Variants in STRIP1 observed in about 807,000 individuals in gnomAD.
The protein encoded by STRIP1 is striatin interacting protein 1.
In STRIP1, 63 loss-of-function variants were observed where a neutral mutation model predicts 106.2. The ratio of observed to expected loss-of-function variants is 0.59; its 90% confidence interval spans 0.48 to 0.73. STRIP1 has a LOEUF of 0.73. STRIP1 is among the 30% of genes least tolerant of loss of function. The pLI is 0.00. For missense variants in STRIP1, 857 were observed against 1,074.8 expected, an observed-to-expected ratio of 0.80 and a Z score of 2.83; for synonymous variants, 390 against 413.0, an observed-to-expected ratio of 0.94 and a Z score of 0.67.
In STRIP1 at chr1:110,053,766, C is replaced by G; in HGVS notation, c.2368C>G (p.Pro790Ala). 2 of 1,614,150 alleles carry G rather than the reference C, an allele frequency of 1.2e-6. No individual in the cohort carries two copies. The highest frequency in any genetic ancestry group is 1.1e-5 in the South Asian group (1 of 91,082). Residue 790 changes from proline (P) to alanine (A), a missense_variant, in exon 21 of 21, where the codon CCT becomes GCT. This residue lies in a region of STRIP1 where 750 missense variants were observed against 989.8 expected (regional missense o/e 0.76). Transcript: ENST00000369795. The part of the protein sequence containing the change: ...ARRYDRAHSN[P>A]DFLPVDNCLQ... ...GCGCTATGACCGGGCCCACAGCAAC[C>G]CTGACTTCCTGCCAGTGGACAACTG...
chr1:110,040,998 T>C (rs778507251), intron 6 of STRIP1, among the ~76,000 whole-genome samples: 4 of 152,102 alleles, frequency 2.6e-5, no homozygotes, highest in Non-Finnish European at 5.9e-5. Flanking sequence ...GTATTTTGTA[T>C]TTGGATGAAA....
chr1:110,048,470 T>TC (rs1399187169), intron 15 of STRIP1, among the ~76,000 whole-genome samples: 4 of 152,308 alleles, frequency 2.6e-5, no homozygotes, highest in Middle Eastern at 3.4e-3. Context: ...TGAGCCCAGC[T>TC]CCTGGGTGGC....
At chr1:110,033,011 C>A (rs866359198), upstream of STRIP1, among the ~76,000 whole-genome samples, 1 of 152,194 alleles carries the variant, frequency 6.6e-6, no homozygotes, top group Non-Finnish European at 1.5e-5. Flanking sequence ...CATTATATGG[C>A]TCTATCAATT....
chr1:110,043,275 G>A lies in STRIP1; in HGVS notation c.1068+5G>A, dbSNP rs778800393. ...CGGGGCCGCCGAGAGCACAAGGTGAGGACGACAGAGGTCCCTGTGACTCCT... is the reference window on the plus strand; with the variant it reads ...CGGGGCCGCCGAGAGCACAAGGTGAAGACGACAGAGGTCCCTGTGACTCCT... On this transcript the variant is annotated splice_donor_5th_base_variant and intron_variant, in intron 9 of 20. Transcript: ENST00000369795. The A allele has an allele frequency of 6.2e-6, 10 of 1,608,706 alleles. No homozygotes were observed. The highest frequency in any genetic ancestry group is 7.6e-6 in the Non-Finnish European group (9 of 1,179,748).
chr1:110,052,222 A>C (rs1237695443), intron 20 of STRIP1, among the ~76,000 whole-genome samples: 2 of 151,954 alleles, frequency 1.3e-5, no homozygotes, highest in African/African-American at 4.8e-5. Flanking sequence ...CCCTGCCTCT[A>C]ATTTCTTCCC....
At chr1:110,048,049 G>A (rs1308863388) in intron 15 of STRIP1, 180 bp downstream of exon 15, 2 of 597,538 alleles carry the variant, frequency 3.3e-6, no homozygotes, top group African/African-American at 3.7e-5. Context: ...GAGATGGCTT[G>A]GTCCTGTTGG....
rs1408373421 is a variant in STRIP1, at chr1:110,034,694, G to A, written c.57G>A (p.Gln19=). ...GPLIVNNKQP[Q]PPPPPPPAAA... ...TGATCGTGAACAACAAACAGCCCCAGCCCCCGCCACCTCCGCCGCCGGCAG... is the reference window on the plus strand; with the variant it reads ...TGATCGTGAACAACAAACAGCCCCAACCCCCGCCACCTCCGCCGCCGGCAG... Residue 19 remains glutamine, a synonymous_variant, in exon 1 of 21, where the codon CAG becomes CAA. Coordinates refer to ENST00000369795, the MANE Select transcript of STRIP1 (RefSeq NM_033088.4). 2.4e-5 allele frequency: 36 copies of A among 1,515,106 alleles called. No individual in the cohort carries two copies. The highest frequency in any genetic ancestry group is 3.1e-5 in the Non-Finnish European group (35 of 1,133,680). The allele number at this position is 1,515,106 out of a possible 1,614,324, so 93.9% of individuals were successfully genotyped here. A position where few individuals can be genotyped will look rare whatever the true frequency, so the allele number is the denominator to read the frequency against.
chr1:110,046,091 G>T (rs1254798549), intron 12 of STRIP1, among the ~76,000 whole-genome samples: 1 of 152,176 alleles, frequency 6.6e-6, no homozygotes, highest in East Asian at 1.9e-4. Flanking sequence ...TTTGCTTTCA[G>T]TTTTTCTCCT....
Position 110,050,982 on chromosome 1 carries a change from C to T in STRIP1, c.1983C>T (p.Cys661=), listed in dbSNP as rs1308344698. Residue 661 remains cysteine, a synonymous_variant, in exon 19 of 21, where the codon TGC becomes TGT. Coordinates refer to ENST00000369795, the MANE Select transcript of STRIP1 (RefSeq NM_033088.4). ...SLEAGDSNQF[C]WRNLFSCINL... ...AAGCAGGTGACAGTAACCAATTTTG[C>T]TGGAGGAACCTCTTTTCTTGTATCA... 2 of 1,613,228 alleles carry T rather than the reference C, an allele frequency of 1.2e-6. No homozygotes were observed. Among genetic ancestry groups the T allele is most frequent in the Non-Finnish European group, 1.7e-6 (2 of 1,179,246 alleles).
upstream of STRIP1, among the ~76,000 whole-genome samples, chr1:110,033,742 A>T (rs1652296866): frequency 6.6e-6 from 1 of 152,250 alleles, no homozygotes; most frequent in Admixed American, 6.5e-5. Flanking sequence ...TTGAGTTTCC[A>T]ACGTATGGAA....
intron 12 of STRIP1, among the ~76,000 whole-genome samples, chr1:110,046,211 A>AT (rs1653011828): frequency 6.6e-6 from 1 of 152,098 alleles, no homozygotes; most frequent in African/African-American, 2.4e-5. Flanking sequence ...TTAGAAAAAT[A>AT]TTTTGGGGCC....
Position 110,037,912 on chromosome 1 carries a change from C to G in STRIP1, c.202C>G (p.Leu68Val). ...DSEGYSESPD[L>V]EFEYADTDKW... The stretch of plus-strand genomic sequence containing the variant: ...GCAGGGCTATTCGGAGTCACCAGAC[C>G]TGGAGTTTGAGTATGCTGACACAGA... Residue 68 changes from leucine (L) to valine (V), a missense_variant, in exon 2 of 21, where the codon CTG becomes GTG. Physicochemically the swap from Leu to Val is conservative, Grantham distance 32 (BLOSUM62 1). This residue lies in a region of STRIP1 where 750 missense variants were observed against 989.8 expected (regional missense o/e 0.76). Transcript: ENST00000369795. 6.2e-7 allele frequency: 1 copy of G among 1,611,888 alleles called. No individual in the cohort carries two copies. Among genetic ancestry groups the G allele is most frequent in the African/African-American group, 1.3e-5 (1 of 74,822 alleles).
intron 17 of STRIP1, chr1:110,049,839 T>TC: frequency 3.0e-6 from 1 of 337,448 alleles, no homozygotes; most frequent in East Asian, 5.8e-5. Context: ...TCTGTACTTT[T>TC]TTTTTTTTTT....
Position 110,041,798 on chromosome 1 carries a change from C to T in STRIP1, c.822C>T (p.Cys274=). 3.1e-6 allele frequency: 5 copies of T among 1,614,142 alleles called. No individual in the cohort carries two copies. Among genetic ancestry groups the T allele is most frequent in the Non-Finnish European group, 4.2e-6 (5 of 1,180,006 alleles). The part of the protein sequence containing the change: ...IMLFGMVTKF[C]SGHAPHFPMK... ...TGTTTGGGATGGTGACCAAATTTTG[C>T]AGTGGTCACGCCCCTCACTTTCCCA... Residue 274 remains cysteine, a synonymous_variant, in exon 8 of 21, where the codon TGC becomes TGT. Transcript: ENST00000369795.
intron 10 of STRIP1, 143 bp from the exon 11 acceptor site, chr1:110,044,697 C>A: frequency 1.3e-6 from 1 of 792,282 alleles, no homozygotes; most frequent in South Asian, 2.0e-5. Flanking sequence ...AGTTTTTTCC[C>A]TTTTTTCAAA....
At chr1:110,049,426 C>CTTTTTT (rs529172763) in intron 16 of STRIP1, 34 bp from the exon 17 acceptor site, 3 of 1,320,802 alleles carry the variant, frequency 2.3e-6, no homozygotes, top group Admixed American at 2.2e-5. Context: ...AGGGCCGCGC[C>CTTTTTT]TTTTTTTTTT....
At chr1:110,037,256 A>G (rs1174302352) in intron 1 of STRIP1, among the ~76,000 whole-genome samples, 3 of 152,226 alleles carry the variant, frequency 2.0e-5, no homozygotes, top group Non-Finnish European at 4.4e-5. Flanking sequence ...GGCTTCCAAG[A>G]TGGTGTGTTC....
chr1:110,042,083 C>G (rs561049974), intron 8 of STRIP1, among the ~76,000 whole-genome samples: 5 of 152,298 alleles, frequency 3.3e-5, no homozygotes, highest in East Asian at 1.9e-4. Context: ...GCTGTTGGCT[C>G]TCTGACCCCG....
upstream of STRIP1, among the ~76,000 whole-genome samples, chr1:110,033,109 G>A (rs1300661152): frequency 1.3e-5 from 2 of 152,136 alleles, no homozygotes; most frequent in Admixed American, 6.5e-5. Context: ...TGCCCTTCCT[G>A]GAACTTTGCA....
Sources: gnomAD v4.1 joint callset for allele counts (sites outside exome capture counted in the v4.1 genomes callset) on GRCh38, gnomAD v4.1.1 for gene constraint, gnomAD v4.1.1 regional missense constraint, MANE v1.5 for transcripts, NCBI Gene and HGNC (gene_info 2026-07-23, HGNC 2026-07-21) for gene names.